EFCAB6: variants seen among roughly 807,000 people sequenced by gnomAD.
EFCAB6 encodes the protein EF-hand calcium binding domain 6, also known as EF-hand calcium-binding domain-containing protein 6.
In EFCAB6, 156 loss-of-function variants were observed where a neutral mutation model predicts 169.8. That is an observed-to-expected ratio of 0.92 (90% CI 0.81 to 1.05). EFCAB6 has a LOEUF of 1.05. Among genes scored for constraint, EFCAB6 ranks in the 50% least tolerant of loss-of-function variants. EFCAB6 has a pLI of 0.00. For missense variants in EFCAB6, 1,800 were observed against 1,829.1 expected (o/e 0.98, Z 0.29); for synonymous variants, 698 against 676.4 (o/e 1.03, Z -0.50).
intron 25 of EFCAB6, among the ~76,000 whole-genome samples, chr22:43,579,454 C>G (rs2050538240): frequency 6.7e-6 from 1 of 150,312 alleles, no homozygotes; most frequent in South Asian, 2.1e-4. Context: ...ATGCAAGCAT[C>G]ATTCCATACA....
intron 23 of EFCAB6, among the ~76,000 whole-genome samples, chr22:43,595,987 G>A (rs575619909): frequency 6.6e-5 from 10 of 152,084 alleles, no homozygotes; most frequent in South Asian, 4.2e-4. Context: ...ACAGAATAAA[G>A]GACAAAATTA....
intron 23 of EFCAB6, among the ~76,000 whole-genome samples, chr22:43,599,496 T>G: frequency 2.0e-5 from 2 of 100,586 alleles, no homozygotes; most frequent in Non-Finnish European, 3.6e-5. Flanking sequence ...GGAGACAGAG[T>G]GAGATTCCAT....
chr22:43,644,007 A>G lies in EFCAB6; in HGVS notation c.1984-8791T>C, dbSNP rs1232206918. ...CCTGGCAAATTTTTGTATTTTTAGTAGAGACGGGGTTTCACCATGTTGGCC... is the reference window on the plus strand; with the variant it reads ...CCTGGCAAATTTTTGTATTTTTAGTGGAGACGGGGTTTCACCATGTTGGCC... On this transcript the variant is annotated intron_variant, in intron 17 of 31. Transcript: ENST00000262726. Among the ~76,000 whole-genome samples the G allele has an allele frequency of 3.9e-5, 6 of 151,950 alleles. No individual in the cohort carries two copies. The East Asian group carries it at 1.2e-3, about 30-fold the overall frequency.
intron 27 of EFCAB6, among the ~76,000 whole-genome samples, chr22:43,547,857 C>T (rs958389899): frequency 3.3e-5 from 5 of 151,666 alleles, no homozygotes; most frequent in Admixed American, 6.6e-5. Flanking sequence ...TTTGGGAGGC[C>T]GAGGCGGGTA....
chr22:43,806,561 T>C (rs982989612), intron 2 of EFCAB6, among the ~76,000 whole-genome samples: 2 of 152,092 alleles, frequency 1.3e-5, no homozygotes, highest in African/African-American at 4.8e-5. Context: ...TTCAAACTCT[T>C]AATTGTGGGG....
chr22:43,718,437 G>GA (rs374411318), intron 8 of EFCAB6, among the ~76,000 whole-genome samples: 81 of 151,254 alleles, frequency 5.4e-4, no homozygotes, highest in African/African-American at 1.8e-3. Flanking sequence ...AGAAAGGGGA[G>GA]AAAAAAAAAG....
Position 43,616,817 on chromosome 22 carries a change from G to A in EFCAB6, c.2466-895C>T, listed in dbSNP as rs191229932. ...GCTGGGATGCCCTAGATCTTTCCAC[G>A]CACTAGAACAAATTAGGAATGGAGG... On this transcript the variant is annotated intron_variant, in intron 20 of 31. Transcript: ENST00000262726. Among the ~76,000 whole-genome samples the A allele has an allele frequency of 3.0e-4, 46 of 152,262 alleles. No individual in the cohort carries two copies. In the East Asian group the frequency reaches 5.6e-3, roughly 19 times the overall value.
intron 6 of EFCAB6, among the ~76,000 whole-genome samples, chr22:43,739,962 A>G (rs898442036): frequency 6.6e-6 from 1 of 151,738 alleles, no homozygotes; most frequent in African/African-American, 2.4e-5. Flanking sequence ...ACCAGGCCAC[A>G]CCCGACTGGC....
intron 2 of EFCAB6, among the ~76,000 whole-genome samples, chr22:43,790,459 A>G (rs2062242011): frequency 6.6e-6 from 1 of 152,246 alleles, no homozygotes; most frequent in African/African-American, 2.4e-5. Flanking sequence ...GAAGGCAGGC[A>G]ATAAACAAAT....
intron 24 of EFCAB6, among the ~76,000 whole-genome samples, chr22:43,589,068 G>T (rs1485834998): frequency 6.6e-6 from 1 of 151,936 alleles, no homozygotes; most frequent in East Asian, 1.9e-4. Context: ...TAAGTCAATA[G>T]AAACTGCCTA....
At chr22:43,610,854 C>A (rs751849312) in intron 21 of EFCAB6, among the ~76,000 whole-genome samples, 4 of 152,098 alleles carry the variant, frequency 2.6e-5, no homozygotes, top group Non-Finnish European at 5.9e-5. Flanking sequence ...AAGTAAAAAT[C>A]TGAACAAATT....
chr22:43,539,890 T>G (rs930301767), intron 28 of EFCAB6, among the ~76,000 whole-genome samples: 3 of 152,132 alleles, frequency 2.0e-5, no homozygotes, highest in Non-Finnish European at 4.4e-5. Context: ...TTGCACCCGC[T>G]CTTGCCTCCT....
rs776449876 is a variant in EFCAB6, at chr22:43,795,925, C to T, written c.-8+13070G>A. ...ACACATACACCACACACACACACAC[C>T]CCTTCATCACACACGTACCACACAC... On this transcript the variant is annotated intron_variant, in intron 2 of 31. Coordinates refer to ENST00000262726, the MANE Select transcript of EFCAB6 (RefSeq NM_022785.4). The surrounding 1 kb of genome is among the most constrained non-coding windows in gnomAD (Gnocchi z 4.2). 5.4e-5 allele frequency among the ~76,000 whole-genome samples: 8 copies of T among 149,458 alleles called. No individual in the cohort carries two copies. The highest frequency in any genetic ancestry group is 7.4e-5 in the Non-Finnish European group (5 of 67,496).
chr22:43,528,792 T>G lies in EFCAB6; in HGVS notation c.*61A>C. On this transcript the variant is annotated 3_prime_UTR_variant, in exon 32 of 32. Coordinates refer to ENST00000262726, the MANE Select transcript of EFCAB6 (RefSeq NM_022785.4). The stretch of plus-strand genomic sequence containing the variant: ...TTCATGAAACCCCCAAATTATAGGA[T>G]TTTATTAGCCTTGAAACAGGCCCTG... The G allele has an allele frequency of 6.7e-7, 1 of 1,487,800 alleles. No individual in the cohort carries two copies. Among genetic ancestry groups the G allele is most frequent in the Non-Finnish European group, 9.1e-7 (1 of 1,102,618 alleles). The allele number at this position is 1,487,800 out of a possible 1,614,324, so 92.2% of individuals were successfully genotyped here. A position where few individuals can be genotyped will look rare whatever the true frequency, so the allele number is the denominator to read the frequency against.
chr22:43,557,754 C>T (rs1786648547), intron 26 of EFCAB6, among the ~76,000 whole-genome samples: 2 of 151,980 alleles, frequency 1.3e-5, no homozygotes. Flanking sequence ...GCCATTAGTG[C>T]AAAAATTCTA....
chr22:43,684,769 C>T (rs2058127362), intron 11 of EFCAB6, among the ~76,000 whole-genome samples: 1 of 152,182 alleles, frequency 6.6e-6, no homozygotes, highest in Admixed American at 6.5e-5. Flanking sequence ...CTATAGACGG[C>T]CAGCACTGGC....
intron 6 of EFCAB6, among the ~76,000 whole-genome samples, chr22:43,751,193 G>A (rs5764269): frequency 0.23 from 34,242 of 152,112 alleles, 5,092 homozygotes; most frequent in East Asian, 0.61. Context: ...AGTGAAGAAC[G>A]TATTTTTTTT....
In EFCAB6 at chr22:43,612,401, A is replaced by G. The variant is rs144111563; in HGVS notation, c.2562+3425T>C. 2.7e-3 allele frequency among the ~76,000 whole-genome samples: 416 copies of G among 152,332 alleles called. 2 individuals are homozygous for G. The highest frequency in any genetic ancestry group is 9.1e-3 in the African/African-American group (377 of 41,576). ...AAATTTGCAAACTATGCATCTAACAAAGGTCTAACATCCAGCATCTATACG... is the reference window on the plus strand; with the variant it reads ...AAATTTGCAAACTATGCATCTAACAGAGGTCTAACATCCAGCATCTATACG... On this transcript the variant is annotated intron_variant, in intron 21 of 31. Transcript: ENST00000262726.
intron 4 of EFCAB6, among the ~76,000 whole-genome samples, chr22:43,766,572 T>C (rs541758101): frequency 4.8e-4 from 73 of 152,240 alleles, no homozygotes; most frequent in Middle Eastern, 3.4e-3. Flanking sequence ...TGGAGTAAAG[T>C]GGCAGGATCT....
Sources: gnomAD v4.1 joint callset for allele counts (sites outside exome capture counted in the v4.1 genomes callset) on GRCh38, gnomAD v4.1.1 for gene constraint, Gnocchi (gnomAD v3.1) non-coding constraint, MANE v1.5 for transcripts, NCBI Gene and HGNC (gene_info 2026-07-23, HGNC 2026-07-21) for gene names.